Variants in C19orf81 observed in about 807,000 individuals in gnomAD.
C19orf81 encodes putative uncharacterized protein C19orf81.
Under a neutral mutation model 22.1 loss-of-function variants are expected in C19orf81, and 19 were observed. The ratio of observed to expected loss-of-function variants is 0.86; its 90% confidence interval spans 0.60 to 1.26. The LOEUF (loss-of-function observed/expected upper bound fraction) is 1.26. Ranked by LOEUF, C19orf81 falls within the 50% of genes most tolerant of loss-of-function variation. The pLI is 0.00. For synonymous variants in C19orf81, 108 were observed against 113.1 expected (o/e 0.95, Z 0.29); for missense variants, 287 against 280.7 (o/e 1.02, Z -0.16).
At chr19:50,655,889 G>A (rs544804368) in intron 1 of C19orf81, among the ~76,000 whole-genome samples, 161 bp from the exon 2 acceptor site, 21 of 152,182 alleles carry the variant, frequency 1.4e-4, no homozygotes, top group Non-Finnish European at 2.8e-4. Flanking sequence ...TCACAGAGCC[G>A]GTGTCATGGG....
intron 3 of C19orf81, among the ~76,000 whole-genome samples, chr19:50,656,928 G>A (rs1299305026): frequency 6.7e-6 from 1 of 150,228 alleles, no homozygotes; most frequent in Middle Eastern, 3.2e-3. Context: ...CTCCAGCCTG[G>A]GTGACAAAGT....
intron 1 of C19orf81, among the ~76,000 whole-genome samples, chr19:50,655,244 G>A (rs977847053): frequency 6.6e-6 from 1 of 152,144 alleles, no homozygotes; most frequent in African/African-American, 2.4e-5. Flanking sequence ...CTAGCACTTG[G>A]CCATAAGAGA....
At chr19:50,655,314 T>C (rs1984970114) in intron 1 of C19orf81, among the ~76,000 whole-genome samples, 2 of 152,142 alleles carry the variant, frequency 1.3e-5, no homozygotes, top group South Asian at 4.1e-4. Context: ...AACTGTTATC[T>C]GTGAAGTTCC....
At chr19:50,649,789 T>G in intron 1 of C19orf81, 1 of 564,706 alleles carries the variant, frequency 1.8e-6, no homozygotes, top group Non-Finnish European at 3.4e-6. Context: ...GAGGCCATTC[T>G]TCTCCTAGGT....
chr19:50,650,187 G>A (rs1984847250), intron 1 of C19orf81, among the ~76,000 whole-genome samples: 1 of 152,152 alleles, frequency 6.6e-6, no homozygotes, highest in South Asian at 2.1e-4. Context: ...TCACCTCTAG[G>A]ACAGAGACCC....
chr19:50,649,976 T>G (rs1291740796), intron 1 of C19orf81, among the ~76,000 whole-genome samples: 2 of 151,972 alleles, frequency 1.3e-5, no homozygotes, highest in Non-Finnish European at 2.9e-5. Flanking sequence ...GCCCTCTGAC[T>G]CTCCCTTCCC....
At chr19:50,656,493 T>C in intron 3 of C19orf81, 147 bp downstream of exon 3, 1 of 1,195,622 alleles carries the variant, frequency 8.4e-7, no homozygotes, top group Non-Finnish European at 1.1e-6. Context: ...TGCTGAAAAC[T>C]GATTGTGAAT....
intron 1 of C19orf81, among the ~76,000 whole-genome samples, chr19:50,653,905 G>A (rs1208424439): frequency 6.6e-6 from 1 of 152,122 alleles, no homozygotes; most frequent in Admixed American, 6.5e-5. Flanking sequence ...TTGGGAACCA[G>A]GAGGGGTAGA....
intron 1 of C19orf81, among the ~76,000 whole-genome samples, chr19:50,653,704 AC>A (rs1984928921): frequency 1.4e-5 from 2 of 145,402 alleles, no homozygotes; most frequent in African/African-American, 5.4e-5. Context: ...ACACACACAC[AC>A]ACACACACAC....
chr19:50,658,167 A>G, intron 4 of C19orf81, 39 bp downstream of exon 4: 4 of 1,461,326 alleles, frequency 2.7e-6, no homozygotes, highest in Admixed American at 2.3e-5. Flanking sequence ...AGCGAGCGGG[A>G]GGGGCGGGGC....
Position 50,659,028 on chromosome 19 carries a change from G to C in C19orf81, c.483G>C (p.Gln161His), listed in dbSNP as rs1032818133. Residue 161 changes from glutamine (Q) to histidine (H), a missense_variant, in exon 5 of 5, where the codon CAG becomes CAC. By Grantham distance (24) the Gln-to-His change is conservative. Coordinates refer to ENST00000425202, the MANE Select transcript of C19orf81 (RefSeq NM_001195076.2). Reference protein sequence around the residue: ...SGLSPRGLAHQIVRHDDLLLG... With the variant: ...SGLSPRGLAHHIVRHDDLLLG... ...TCAGTCCCCGCGGGCTTGCGCACCA[G>C]ATCGTGCGCCACGACGACCTCCTGC... 5.2e-6 allele frequency: 8 copies of C among 1,529,708 alleles called. No individual in the cohort carries two copies. The Admixed American group carries it at 5.9e-5, about 11-fold the overall frequency. 94.8% of individuals were successfully genotyped at this position (1,529,708 alleles called of 1,614,324 possible).
rs12974449 is a variant in C19orf81, at chr19:50,655,955, G to A, written c.68-95G>A. The A allele has an allele frequency of 3.4e-4, 403 of 1,168,648 alleles. 1 individual carries two copies. The Middle Eastern group carries it at 4.1e-3, about 12-fold the overall frequency. The allele number at this position is 1,168,648 out of a possible 1,614,324, so 72.4% of individuals were successfully genotyped here. On this transcript the variant is annotated intron_variant, in intron 1 of 4. Transcript: ENST00000425202. ...AACATCTGGCATACAAGCTATTCTG[G>A]GTGTGGCATGGGCAAGCAATTGGTG...
intron 1 of C19orf81, 62 bp from the exon 2 acceptor site, chr19:50,655,988 T>A (rs1984985464): frequency 3.4e-6 from 5 of 1,491,232 alleles, no homozygotes; most frequent in Non-Finnish European, 4.5e-6. Context: ...GTGATGGCCA[T>A]TTAAGCAGAA....
chr19:50,659,047 C>T lies in C19orf81; in HGVS notation c.502C>T (p.Leu168Phe). The change falls in exon 5 of 5, where the codon CTC becomes TTC. Residue 168 changes from leucine to phenylalanine, a missense_variant. Leu to Phe is a conservative substitution (Grantham distance 22). Coordinates refer to ENST00000425202, the MANE Select transcript of C19orf81 (RefSeq NM_001195076.2). ...LAHQIVRHDD[L>F]LLGDYRLHLR... ...GCACCAGATCGTGCGCCACGACGACCTCCTGCTGGGCGACTACCGCCTGCA... is the reference window on the plus strand; with the variant it reads ...GCACCAGATCGTGCGCCACGACGACTTCCTGCTGGGCGACTACCGCCTGCA... 1 of 1,529,564 alleles carries T rather than the reference C, an allele frequency of 6.5e-7. No individual in the cohort carries two copies. Among genetic ancestry groups the T allele is most frequent in the Middle Eastern group, 1.7e-4 (1 of 5,962 alleles). 94.7% of individuals were successfully genotyped at this position (1,529,564 alleles called of 1,614,324 possible).
intron 1 of C19orf81, among the ~76,000 whole-genome samples, chr19:50,651,529 C>T (rs1479157682): frequency 6.6e-6 from 1 of 151,966 alleles, no homozygotes; most frequent in Non-Finnish European, 1.5e-5. Context: ...TCTCTTGGTC[C>T]CCAGCATCCT....
intron 1 of C19orf81, among the ~76,000 whole-genome samples, chr19:50,652,226 A>G (rs1984892688): frequency 1.3e-5 from 2 of 152,310 alleles, no homozygotes; most frequent in African/African-American, 4.8e-5. Flanking sequence ...GTATTTTTTT[A>G]TAGTTGGCTT....
chr19:50,656,204 T>C (rs1404343398), intron 2 of C19orf81, 22 bp from the exon 3 acceptor site: 1 of 1,535,976 alleles, frequency 6.5e-7, no homozygotes, highest in African/African-American at 1.4e-5. Flanking sequence ...CAGAGGTCCC[T>C]GCCTGTTCGC....
Position 50,658,934 on chromosome 19 carries a change from A to AC in C19orf81, c.402-7dup, listed in dbSNP as rs1250602011. 1.5e-5 allele frequency: 21 copies of AC among 1,447,964 alleles called. No homozygotes were observed. Among genetic ancestry groups the AC allele is most frequent in the African/African-American group, 1.2e-4 (8 of 69,294 alleles). The allele number at this position is 1,447,964 out of a possible 1,614,324, so 89.7% of individuals were successfully genotyped here. A position where few individuals can be genotyped will look rare whatever the true frequency, so the allele number is the denominator to read the frequency against. On this transcript the variant is annotated splice_polypyrimidine_tract_variant and intron_variant, in intron 4 of 4. Transcript: ENST00000425202. ...ACCTGCGAGTTCCTTTTCCGTCCCC[A>AC]CCCCCCTTACAGGTGGCTCATCGCG...
At position 50,658,101 on chromosome 19, in the gene C19orf81, T is replaced by A. The variant is rs925383821; in HGVS notation, c.374T>A (p.Ile125Asn). 3 of 1,535,346 alleles carry A rather than the reference T, an allele frequency of 2.0e-6. No individual in the cohort carries two copies. The highest frequency in any genetic ancestry group is 1.4e-5 in the African/African-American group (1 of 72,994). Residue 125 changes from isoleucine (I) to asparagine (N), a missense_variant, in exon 4 of 5, where the codon ATC (isoleucine) becomes AAC (asparagine). Ile to Asn is a moderately radical substitution (Grantham distance 149). Coordinates refer to ENST00000425202, the MANE Select transcript of C19orf81 (RefSeq NM_001195076.2). ...ATCCGCTTTGAGAACATGAACGTCA[T>A]CTGTGGGACTGCTGGGCGCCGGAAC... ...SSIRFENMNV[I>N]CGTAGRRNRW...
Sources: allele counts gnomAD v4.1 joint callset (sites outside exome capture counted in the v4.1 genomes callset), GRCh38; gene constraint gnomAD v4.1.1; transcripts MANE v1.5; gene names NCBI Gene and HGNC (gene_info 2026-07-23, HGNC 2026-07-21).